The following ADAMTSL3 variants were observed in gnomAD, a reference collection of about 807,000 sequenced individuals.
ADAMTSL3 encodes ADAMTS like 3.
A neutral mutation model predicts 201.7 loss-of-function variants in ADAMTSL3; 128 were observed. The observed-to-expected ratio is 0.63, with a 90% CI of 0.55 to 0.73. The LOEUF is 0.73. Ranked by LOEUF, ADAMTSL3 falls within the 30% of genes least tolerant of loss-of-function variation. ADAMTSL3 has a pLI of 0.00. For synonymous variants in ADAMTSL3, 738 were observed against 748.4 expected (o/e 0.99, Z 0.23); for missense variants, 1,990 against 2,119.6 (o/e 0.94, Z 1.20).
At chr15:83,937,246 C>T (rs1305106808) in intron 17 of ADAMTSL3, among the ~76,000 whole-genome samples, 2 of 150,910 alleles carry the variant, frequency 1.3e-5, no homozygotes, top group South Asian at 2.1e-4. Flanking sequence ...ATAGCAAAGA[C>T]ATGAAATCAA....
chr15:83,756,788 A>G (rs180964170), intron 3 of ADAMTSL3, among the ~76,000 whole-genome samples: 183 of 152,354 alleles, frequency 1.2e-3, no homozygotes, highest in Middle Eastern at 3.4e-3. Flanking sequence ...TCAAGATACA[A>G]TGGGGGAACA....
intron 15 of ADAMTSL3, among the ~76,000 whole-genome samples, chr15:83,911,608 C>T (rs957357016): frequency 2.0e-5 from 3 of 152,160 alleles, no homozygotes; most frequent in African/African-American, 7.2e-5. Context: ...GAGAAGGGTT[C>T]CCCACTAACA....
chr15:83,892,640 C>G (rs2065531722), intron 12 of ADAMTSL3, 44 bp from the exon 13 acceptor site: 1 of 1,548,616 alleles, frequency 6.5e-7, no homozygotes, highest in East Asian at 2.4e-5. Context: ...AAACTTCAAA[C>G]AAACAACAAA....
intron 6 of ADAMTSL3, among the ~76,000 whole-genome samples, chr15:83,822,141 T>A (rs1328029321): frequency 7.4e-6 from 1 of 135,880 alleles, no homozygotes. Context: ...CCCCCCCACC[T>A]CCCTCCCAGA....
chr15:83,692,068 A>G (rs1315639077), intron 2 of ADAMTSL3, among the ~76,000 whole-genome samples: 1 of 152,056 alleles, frequency 6.6e-6, no homozygotes, highest in African/African-American at 2.4e-5. Context: ...TGCACCCAAC[A>G]CACTGCTTGG....
intron 20 of ADAMTSL3, among the ~76,000 whole-genome samples, chr15:83,977,147 A>G (rs1448555517): frequency 6.6e-6 from 1 of 152,134 alleles, no homozygotes; most frequent in African/African-American, 2.4e-5. Flanking sequence ...CACAAACCCT[A>G]TTGTGAACTG....
chr15:83,940,073 A>G (rs2066529416), intron 17 of ADAMTSL3, among the ~76,000 whole-genome samples: 1 of 152,102 alleles, frequency 6.6e-6, no homozygotes, highest in African/African-American at 2.4e-5. Flanking sequence ...CTTTTTTAAT[A>G]TATCATTTAA....
intron 3 of ADAMTSL3, among the ~76,000 whole-genome samples, chr15:83,744,200 A>G (rs2062506563): frequency 6.6e-6 from 1 of 152,202 alleles, no homozygotes; most frequent in African/African-American, 2.4e-5. Context: ...TGGGAAGTTC[A>G]TTTATATAGC....
intron 3 of ADAMTSL3, among the ~76,000 whole-genome samples, chr15:83,761,070 A>G (rs549723070): frequency 1.3e-5 from 2 of 152,150 alleles, no homozygotes; most frequent in African/African-American, 4.8e-5. Flanking sequence ...GATTGATTAA[A>G]TGTGTTTTCT....
rs759367085 is a variant in ADAMTSL3, at chr15:83,970,599, T to C, written c.2606T>C (p.Leu869Pro). Residue 869 changes from leucine (L) to proline (P), a missense_variant, in exon 20 of 30, where the codon CTC becomes CCC. Transcript: ENST00000286744. ...ATGATGTGCAGGGATCTACCAGGGC[T>C]CCCTCTTGTAAGATCTTGCCAGATG... ...SEMMCRDLPG[L>P]PLVRSCQMPE... 8.7e-6 allele frequency: 14 copies of C among 1,614,220 alleles called. No individual in the cohort carries two copies. Among genetic ancestry groups the C allele is most frequent in the Non-Finnish European group, 1.0e-5 (12 of 1,180,034 alleles).
chr15:83,761,260 C>T (rs376668613), intron 3 of ADAMTSL3, among the ~76,000 whole-genome samples: 1 of 152,076 alleles, frequency 6.6e-6, no homozygotes, highest in Non-Finnish European at 1.5e-5. Context: ...GGCCATTTAT[C>T]TCTCTTCTGA....
chr15:83,715,192 A>G (rs971945192), intron 3 of ADAMTSL3, among the ~76,000 whole-genome samples: 1 of 152,128 alleles, frequency 6.6e-6, no homozygotes, highest in African/African-American at 2.4e-5. Flanking sequence ...GGCTTGGAGC[A>G]ATTTCTGCTG....
Position 83,988,817 on chromosome 15 carries a change from AG to A in ADAMTSL3, c.3844+1del. ...TGGAAAGTTCTTCTGTGCTGTATGC[AG>A]GTAATGCCCACTGTTGAAATCTAGA... Reference protein sequence around the residue: ...DVESSSVLYAEAPVILSVERN... With the variant: ...DVESSSVLYAXAPVILSVERN... On this transcript the variant is annotated frameshift_variant and splice_region_variant, in exon 22 of 30. Coordinates refer to ENST00000286744, the MANE Select transcript of ADAMTSL3 (RefSeq NM_207517.3). LOFTEE classifies it high-confidence loss of function. 6.6e-7 allele frequency: 1 copy of A among 1,516,160 alleles called. No individual in the cohort carries two copies. 93.9% of individuals were successfully genotyped at this position (1,516,160 alleles called of 1,614,324 possible).
chr15:84,028,533 A>G (rs1195950500), intron 27 of ADAMTSL3, among the ~76,000 whole-genome samples: 2 of 152,216 alleles, frequency 1.3e-5, no homozygotes, highest in African/African-American at 2.4e-5. Flanking sequence ...TTTTCCTGTA[A>G]TTGAACCCAC....
At chr15:84,005,619 G>A (rs1056924194) in intron 23 of ADAMTSL3, among the ~76,000 whole-genome samples, 4 of 152,174 alleles carry the variant, frequency 2.6e-5, no homozygotes, top group African/African-American at 9.7e-5. Context: ...AGATATGTCT[G>A]GTGGCGTTAA....
chr15:83,673,688 T>A (rs961873494), intron 2 of ADAMTSL3, among the ~76,000 whole-genome samples: 1 of 152,236 alleles, frequency 6.6e-6, no homozygotes, highest in African/African-American at 2.4e-5. Context: ...GCATCTTTTT[T>A]AAGCTGTCAT....
At chr15:83,655,147 CA>C (rs1236057778) in intron 1 of ADAMTSL3, among the ~76,000 whole-genome samples, 1 of 152,182 alleles carries the variant, frequency 6.6e-6, no homozygotes. Context: ...TAGGCTGGCT[CA>C]GGGGCTGTGT....
intron 3 of ADAMTSL3, among the ~76,000 whole-genome samples, chr15:83,760,404 T>C (rs1249464463): frequency 6.6e-6 from 1 of 152,152 alleles, no homozygotes; most frequent in African/African-American, 2.4e-5. Context: ...GACTTTTCTA[T>C]ATGGCTCAGA....
chr15:84,000,029 A>G (rs943628098), intron 23 of ADAMTSL3, among the ~76,000 whole-genome samples: 10 of 151,940 alleles, frequency 6.6e-5, no homozygotes, highest in African/African-American at 9.7e-5. Flanking sequence ...AGTGATTCTC[A>G]TATGTCTTTA....
Sources: allele counts gnomAD v4.1 joint callset (sites outside exome capture counted in the v4.1 genomes callset), GRCh38; gene constraint gnomAD v4.1.1; transcripts MANE v1.5; gene names NCBI Gene and HGNC (gene_info 2026-07-23, HGNC 2026-07-21).